Variants in COL23A1 observed in about 807,000 individuals in gnomAD.
The protein encoded by COL23A1 is collagen alpha-1(XXIII) chain.
In COL23A1, 97 loss-of-function variants were observed where a neutral mutation model predicts 99.3. That is an observed-to-expected ratio of 0.98 (90% confidence interval 0.83 to 1.16). COL23A1 has a LOEUF of 1.16. COL23A1 is among the 50% of genes most tolerant of loss of function. The pLI is 0.00. For missense variants in COL23A1, 762 were observed against 757.4 expected, an observed-to-expected ratio of 1.01 and a Z score of -0.07; for synonymous variants, 320 against 308.2, an observed-to-expected ratio of 1.04 and a Z score of -0.40.
At chr5:178,286,748 T>C (rs1297045832) in intron 5 of COL23A1, among the ~76,000 whole-genome samples, 1 of 152,198 alleles carries the variant, frequency 6.6e-6, no homozygotes, top group Non-Finnish European at 1.5e-5. Context: ...CCCTGGCACC[T>C]GCTCTGGTGT....
intron 2 of COL23A1, among the ~76,000 whole-genome samples, chr5:178,362,336 C>T (rs1389551836): frequency 6.6e-6 from 1 of 152,174 alleles, no homozygotes; most frequent in Non-Finnish European, 1.5e-5. Flanking sequence ...GGGCATGTCC[C>T]ACTGAACCAT....
chr5:178,342,274 C>G (rs558723906), intron 2 of COL23A1, among the ~76,000 whole-genome samples: 1 of 152,312 alleles, frequency 6.6e-6, no homozygotes, highest in African/African-American at 2.4e-5. Context: ...GGCCGGGTGA[C>G]AGCTGGTTAC....
chr5:178,497,360 T>C (rs763190951), intron 2 of COL23A1, among the ~76,000 whole-genome samples: 18 of 152,150 alleles, frequency 1.2e-4, no homozygotes, highest in Non-Finnish European at 4.4e-5. Flanking sequence ...CTCATATAGT[T>C]CCACAGCAGT....
chr5:178,382,083 C>T (rs967155857), intron 2 of COL23A1, among the ~76,000 whole-genome samples: 2 of 151,824 alleles, frequency 1.3e-5, no homozygotes, highest in African/African-American at 4.8e-5. Flanking sequence ...GGTTCTCAGT[C>T]CGCACTGGAA....
chr5:178,375,539 G>A (rs1371215261), intron 2 of COL23A1, among the ~76,000 whole-genome samples: 4 of 152,194 alleles, frequency 2.6e-5, no homozygotes, highest in African/African-American at 9.7e-5. Flanking sequence ...AAAAGGCCCT[G>A]CGTGGTCCCG....
At chr5:178,348,491 C>T (rs186808400) in intron 2 of COL23A1, among the ~76,000 whole-genome samples, 25 of 152,320 alleles carry the variant, frequency 1.6e-4, no homozygotes, top group Admixed American at 6.5e-4. Flanking sequence ...ATGGCTACCT[C>T]CCTTGGCAGT....
intron 2 of COL23A1, among the ~76,000 whole-genome samples, chr5:178,454,334 G>A (rs1332324928): frequency 1.3e-5 from 2 of 152,174 alleles, no homozygotes; most frequent in Non-Finnish European, 2.9e-5. Flanking sequence ...ATCAAAAAGT[G>A]AACAAATGGT....
At chr5:178,488,309 A>T (rs1049498459) in intron 2 of COL23A1, among the ~76,000 whole-genome samples, 1 of 152,128 alleles carries the variant, frequency 6.6e-6, no homozygotes, top group African/African-American at 2.4e-5. Flanking sequence ...CTCCCCTGTC[A>T]CCTGCCTGAT....
intron 1 of COL23A1, among the ~76,000 whole-genome samples, chr5:178,566,584 G>A (rs1762851218): frequency 1.3e-5 from 2 of 152,314 alleles, no homozygotes; most frequent in Admixed American, 1.3e-4. Flanking sequence ...GGGAGGCAGA[G>A]GCGGGAGGAT....
At chr5:178,285,115 G>A (rs894296079) in intron 5 of COL23A1, among the ~76,000 whole-genome samples, 23 of 152,162 alleles carry the variant, frequency 1.5e-4, no homozygotes, top group African/African-American at 5.1e-4. Flanking sequence ...GGCCCTTGTC[G>A]GCTCTGACTT....
chr5:178,268,375 C>A (rs888143315), intron 7 of COL23A1, among the ~76,000 whole-genome samples: 1 of 152,176 alleles, frequency 6.6e-6, no homozygotes, highest in Non-Finnish European at 1.5e-5. Context: ...GTCCTCCCCA[C>A]AGAGAATACC....
intron 2 of COL23A1, among the ~76,000 whole-genome samples, chr5:178,451,942 T>C (rs1029113099): frequency 1.3e-5 from 2 of 152,178 alleles, no homozygotes; most frequent in Non-Finnish European, 2.9e-5. Flanking sequence ...ATAATTCTTA[T>C]GTTAATCTAT....
At chr5:178,364,833 G>A (rs1224887378) in intron 2 of COL23A1, among the ~76,000 whole-genome samples, 1 of 152,150 alleles carries the variant, frequency 6.6e-6, no homozygotes, top group African/African-American at 2.4e-5. Flanking sequence ...CTCACCTATG[G>A]GGAAGCCGGC....
chr5:178,281,593 G>A lies in COL23A1; in HGVS notation c.441+6731C>T, dbSNP rs113613421. Among the ~76,000 whole-genome samples, 167 of 152,132 alleles carry A rather than the reference G, an allele frequency of 1.1e-3. 2 individuals carry two copies. In the South Asian group the frequency reaches 0.023, roughly 21 times the overall value. ...GGTGTGCTCAGAGCTGACCTGTGAC[G>A]CCTGCCAGCCCTCGTTTCTGTTAGT... On this transcript the variant is annotated intron_variant, in intron 5 of 28. Coordinates refer to ENST00000390654, the MANE Select transcript of COL23A1 (RefSeq NM_173465.4). The surrounding 1 kb of genome is among the most constrained non-coding windows in gnomAD (Gnocchi z 4.0).
Position 178,336,124 on chromosome 5 carries a change from C to T in COL23A1, c.362-29205G>A, listed in dbSNP as rs533957074. Among the ~76,000 whole-genome samples, 13 of 152,242 alleles carry T rather than the reference C, an allele frequency of 8.5e-5. No homozygotes were observed. In the South Asian group the frequency reaches 1.7e-3, roughly 19 times the overall value. ...AGGAGGGTGAGGTGAAGTAAGAACC[C>T]GGCACAGGCTGGCACACACATTAGG... On this transcript the variant is annotated intron_variant, in intron 2 of 28. Transcript: ENST00000390654.
At chr5:178,543,483 G>T (rs1761409319) in intron 2 of COL23A1, among the ~76,000 whole-genome samples, 1 of 152,202 alleles carries the variant, frequency 6.6e-6, no homozygotes, top group African/African-American at 2.4e-5. Context: ...GGGGCCATAG[G>T]GGTTCTTCAG....
intron 2 of COL23A1, among the ~76,000 whole-genome samples, chr5:178,538,010 TTC>T (rs1404126896): frequency 3.3e-5 from 5 of 152,234 alleles, no homozygotes; most frequent in Non-Finnish European, 1.5e-5. Context: ...CTTAGTCGAA[TTC>T]ATCCACGTTT....
At chr5:178,562,239 C>G (rs1202126850) in intron 1 of COL23A1, 2 of 225,146 alleles carry the variant, frequency 8.9e-6, no homozygotes, top group African/African-American at 2.5e-5. Context: ...GAGACTCCAT[C>G]TCAAAAAAAG....
intron 2 of COL23A1, among the ~76,000 whole-genome samples, chr5:178,503,160 T>A (rs1758668802): frequency 6.6e-6 from 1 of 152,192 alleles, no homozygotes; most frequent in East Asian, 1.9e-4. Flanking sequence ...GGCGGGTGGA[T>A]CACCTGAGGT....
Sources: gnomAD v4.1 joint callset for allele counts (sites outside exome capture counted in the v4.1 genomes callset) on GRCh38, gnomAD v4.1.1 for gene constraint, Gnocchi (gnomAD v3.1) non-coding constraint, MANE v1.5 for transcripts, NCBI Gene and HGNC (gene_info 2026-07-23, HGNC 2026-07-21) for gene names.